The following STAG1 variants were observed in gnomAD, a reference collection of about 807,000 sequenced individuals.
The protein encoded by STAG1 is STAG1 cohesin complex component, also known as cohesin subunit SA-1.
In STAG1, 26 loss-of-function variants were observed where a neutral mutation model predicts 170.9. The observed-to-expected ratio is 0.15, with a 90% confidence interval of 0.11 to 0.21. STAG1 has a LOEUF of 0.21. Ranked by LOEUF, STAG1 falls within the 10% of genes least tolerant of loss-of-function variation. The probability of loss-of-function intolerance (pLI) is 1.00; values close to 1 mark genes in which losing one functional copy is unlikely to be tolerated. For missense variants in STAG1, 964 were observed against 1,509.5 expected, an observed-to-expected ratio of 0.64 and a Z score of 5.99; for synonymous variants, 514 against 497.7, an observed-to-expected ratio of 1.03 and a Z score of -0.44.
At position 136,338,213 on chromosome 3, in the gene STAG1, CTAAA is replaced by C; in HGVS notation, c.*37_*40del. On this transcript the variant is annotated 3_prime_UTR_variant, in exon 34 of 34. Coordinates refer to ENST00000383202, the MANE Select transcript of STAG1 (RefSeq NM_005862.3). ...TATCACAGTATATAGGCCTCTAGCT[CTAAA>C]TAATAGAGTTCCAGATTTGTAAATT... 6.8e-7 allele frequency: 1 copy of C among 1,475,512 alleles called. No homozygotes were observed. Among genetic ancestry groups the C allele is most frequent in the Non-Finnish European group, 9.4e-7 (1 of 1,058,224 alleles). 91.4% of individuals were successfully genotyped at this position (1,475,512 alleles called of 1,614,324 possible). A position where few individuals can be genotyped will look rare whatever the true frequency, so the allele number is the denominator to read the frequency against.
chr3:136,461,482 C>A, intron 13 of STAG1, among the ~76,000 whole-genome samples: 1 of 148,598 alleles, frequency 6.7e-6, no homozygotes, highest in Admixed American at 6.8e-5. Context: ...TAGCAGAATA[C>A]AAAATCAACA....
chr3:136,468,511 C>T (rs1294092152), intron 12 of STAG1, among the ~76,000 whole-genome samples: 3 of 152,046 alleles, frequency 2.0e-5, no homozygotes, highest in Admixed American at 2.0e-4. Flanking sequence ...TGAGACAATA[C>T]TTAATAGCCT....
intron 3 of STAG1, among the ~76,000 whole-genome samples, chr3:136,620,072 AAAAAT>A (rs1019514373): frequency 7.2e-5 from 11 of 152,088 alleles, no homozygotes; most frequent in Admixed American, 2.0e-4. Context: ...TCTCAAAAGA[AAAAAT>A]AAAATAAAAT....
At position 136,640,184 on chromosome 3, in the gene STAG1, A is replaced by G. The variant is rs1487676424; in HGVS notation, c.-83-9203T>C. Reference sequence around the variant, plus strand: ...TAAAATAAGGCCAAAATCAAATAAAAGATAACAAGTTGTAGTGGTTCATTA... The same window carrying G: ...TAAAATAAGGCCAAAATCAAATAAAGGATAACAAGTTGTAGTGGTTCATTA... On this transcript the variant is annotated intron_variant, in intron 1 of 33. Transcript: ENST00000383202. Among the ~76,000 whole-genome samples the G allele has an allele frequency of 2.6e-5, 4 of 152,228 alleles. No homozygotes were observed. The East Asian group carries it at 7.7e-4, about 29-fold the overall frequency.
intron 21 of STAG1, among the ~76,000 whole-genome samples, chr3:136,401,131 T>C (rs1386505516): frequency 6.6e-6 from 1 of 152,230 alleles, no homozygotes; most frequent in African/African-American, 2.4e-5. Context: ...GGAAATAACA[T>C]CTTGATCTTA....
At chr3:136,486,015 A>G (rs898641458) in intron 9 of STAG1, among the ~76,000 whole-genome samples, 3 of 152,208 alleles carry the variant, frequency 2.0e-5, no homozygotes, top group Non-Finnish European at 4.4e-5. Context: ...GAGTTTCCTT[A>G]GAGCAGTGTT....
chr3:136,704,912 A>C (rs1446179030), intron 1 of STAG1, among the ~76,000 whole-genome samples: 2 of 152,064 alleles, frequency 1.3e-5, no homozygotes, highest in Non-Finnish European at 2.9e-5. Flanking sequence ...TTACACACAA[A>C]ACAATGGAGC....
rs142054445 is a variant in STAG1 at position 136,735,508 on chromosome 3, C to T, written c.-84+16687G>A. Among the ~76,000 whole-genome samples, 506 of 151,940 alleles carry T rather than the reference C, an allele frequency of 3.3e-3. 8 individuals carry two copies. The East Asian group carries it at 0.048, about 14-fold the overall frequency. Reference sequence around the variant, plus strand: ...CTAGAGTGCACTGGCATGATCTCAGCTCACTGGAACCTCCGCCTCCTGGGT... The same window carrying T: ...CTAGAGTGCACTGGCATGATCTCAGTTCACTGGAACCTCCGCCTCCTGGGT... On this transcript the variant is annotated intron_variant, in intron 1 of 33. Transcript: ENST00000383202.
intron 28 of STAG1, among the ~76,000 whole-genome samples, chr3:136,356,655 C>A (rs1387688679): frequency 1.3e-5 from 2 of 152,200 alleles, no homozygotes; most frequent in Non-Finnish European, 2.9e-5. Context: ...AGGCGTGAAT[C>A]ACTGCACCCA....
intron 8 of STAG1, among the ~76,000 whole-genome samples, chr3:136,501,625 C>G (rs1299952404): frequency 6.6e-6 from 1 of 152,172 alleles, no homozygotes; most frequent in Admixed American, 6.6e-5. Context: ...AGCCTGCAAG[C>G]CTGTGAGATT....
At chr3:136,521,135 T>G in intron 7 of STAG1, 78 bp downstream of exon 7, 1 of 1,163,928 alleles carries the variant, frequency 8.6e-7, no homozygotes, top group African/African-American at 1.6e-5. Flanking sequence ...TAATTAAATC[T>G]TCTCATTAAG....
At chr3:136,616,104 T>C (rs919250267) in intron 3 of STAG1, among the ~76,000 whole-genome samples, 1 of 151,584 alleles carries the variant, frequency 6.6e-6, no homozygotes, top group South Asian at 2.1e-4. Context: ...CCGTCTCTAC[T>C]AAAAATACAA....
rs368411643 is a variant in STAG1, at chr3:136,500,358, C to T, written c.829-62G>A. ...TCATTTTATTTGGAAGGAACAGCTC[C>T]AATTGTTTTTAATTCCTGGTTATTT... On this transcript the variant is annotated intron_variant, in intron 8 of 33. Transcript: ENST00000383202. The T allele has an allele frequency of 1.1e-3, 1,237 of 1,159,882 alleles. 16 individuals carry two copies. The South Asian group carries it at 0.016, about 15-fold the overall frequency. 71.8% of individuals were successfully genotyped at this position (1,159,882 alleles called of 1,614,324 possible).
intron 28 of STAG1, among the ~76,000 whole-genome samples, chr3:136,353,275 C>T (rs956620246): frequency 2.0e-5 from 3 of 151,956 alleles, no homozygotes; most frequent in African/African-American, 4.8e-5. Flanking sequence ...AGGTAGCAGA[C>T]GAAAAAGCAG....
chr3:136,579,876 A>C (rs970322435), intron 4 of STAG1, among the ~76,000 whole-genome samples: 5 of 152,156 alleles, frequency 3.3e-5, no homozygotes, highest in Non-Finnish European at 5.9e-5. Flanking sequence ...GAAAAAAGCT[A>C]AAAGAAATGA....
intron 23 of STAG1, among the ~76,000 whole-genome samples, chr3:136,370,212 T>G (rs930417212): frequency 2.6e-5 from 4 of 152,100 alleles, no homozygotes; most frequent in Non-Finnish European, 5.9e-5. Flanking sequence ...GAAGAATGCA[T>G]TATTATCATA....
intron 7 of STAG1, among the ~76,000 whole-genome samples, chr3:136,518,861 A>G (rs1934515560): frequency 6.6e-6 from 1 of 152,120 alleles, no homozygotes; most frequent in African/African-American, 2.4e-5. Context: ...AGTAGTTTTA[A>G]AGGTTATGAT....
Position 136,691,340 on chromosome 3 carries a change from C to A in STAG1, c.-83-60359G>T, listed in dbSNP as rs571402735. ...GTCCCAGCTACTCGGGAGGCTGCGG[C>A]AGAAGAATGGCATGAACCAGGGAGG... On this transcript the variant is annotated intron_variant, in intron 1 of 33. Coordinates refer to ENST00000383202, the MANE Select transcript of STAG1 (RefSeq NM_005862.3). Among the ~76,000 whole-genome samples the A allele has an allele frequency of 3.3e-5, 5 of 151,746 alleles. No individual in the cohort carries two copies. In the South Asian group the frequency reaches 1.0e-3, roughly 32 times the overall value.
At chr3:136,492,230 C>T (rs961893134) in intron 9 of STAG1, among the ~76,000 whole-genome samples, 3 of 152,192 alleles carry the variant, frequency 2.0e-5, no homozygotes, top group Admixed American at 6.5e-5. Context: ...TTCTCAACTA[C>T]ACTTGTATTC....
Sources: allele counts gnomAD v4.1 joint callset (sites outside exome capture counted in the v4.1 genomes callset), GRCh38; gene constraint gnomAD v4.1.1; transcripts MANE v1.5; gene names NCBI Gene and HGNC (gene_info 2026-07-23, HGNC 2026-07-21).